UNC13A: variants seen among roughly 807,000 people sequenced by gnomAD.
The protein encoded by UNC13A is protein unc-13 homolog A.
UNC13A carries 61 observed loss-of-function variants against 219.7 expected under a neutral mutation model. The observed-to-expected ratio is 0.28, with a 90% CI of 0.23 to 0.34. The LOEUF is 0.34. UNC13A is among the 10% of genes least tolerant of loss of function. The probability of loss-of-function intolerance (pLI) is 1.00; values close to 1 mark genes in which losing one functional copy is unlikely to be tolerated. For synonymous variants in UNC13A, 920 were observed against 884.6 expected (o/e 1.04, Z -0.71); for missense variants, 1,476 against 2,270.3 (o/e 0.65, Z 7.11).
At chr19:17,616,489 G>T in intron 41 of UNC13A, 2 of 677,818 alleles carry the variant, frequency 3.0e-6, no homozygotes, top group South Asian at 1.5e-5. Flanking sequence ...GGGTGGAAGG[G>T]GGAGAGAGGT....
intron 1 of UNC13A, among the ~76,000 whole-genome samples, chr19:17,686,833 AG>A (rs1568279126): frequency 2.5e-5 from 3 of 119,938 alleles, no homozygotes; most frequent in African/African-American, 9.1e-5. Flanking sequence ...GAGGGGAGGG[AG>A]GAGGAGGGGC....
chr19:17,670,522 C>A (rs2079765566), intron 4 of UNC13A, among the ~76,000 whole-genome samples: 1 of 150,172 alleles, frequency 6.7e-6, no homozygotes, highest in African/African-American at 2.4e-5. Flanking sequence ...CAGGTGTGAG[C>A]CACCATGCCC....
intron 15 of UNC13A, 122 bp downstream of exon 15, chr19:17,648,790 C>T: frequency 2.7e-6 from 4 of 1,483,688 alleles, no homozygotes; most frequent in Non-Finnish European, 3.7e-6. Context: ...ACGCTGCCTT[C>T]TGCCAGTCTG....
At position 17,632,824 on chromosome 19, in the gene UNC13A, G is replaced by T; in HGVS notation, c.3386C>A (p.Thr1129Lys). 1 of 1,613,948 alleles carries T rather than the reference G, an allele frequency of 6.2e-7. No individual in the cohort carries two copies. The highest frequency in any genetic ancestry group is 8.5e-7 in the Non-Finnish European group (1 of 1,179,880). Reference protein sequence around the residue: ...KVKWLYNEYVTELPAFKDRVP... With the variant: ...KVKWLYNEYVKELPAFKDRVP... Reference sequence around the variant, plus strand: ...GCGGTCCTTGAAGGCGGGAAGTTCCGTCACATACTCATTGTAGAGCCATTT... The same window carrying T: ...GCGGTCCTTGAAGGCGGGAAGTTCCTTCACATACTCATTGTAGAGCCATTT... Residue 1129 changes from threonine (T) to lysine (K), a missense_variant, in exon 28 of 44, where the codon ACG becomes AAG. Physicochemically the swap from Thr to Lys is moderately conservative, Grantham distance 78 (BLOSUM62 -1). This residue lies in a region of UNC13A where 218 missense variants were observed against 409.4 expected (regional missense o/e 0.53). Coordinates refer to ENST00000519716, the MANE Select transcript of UNC13A (RefSeq NM_001080421.3).
intron 24 of UNC13A, 85 bp from the exon 25 acceptor site, chr19:17,639,302 G>A (rs2076942939): frequency 6.3e-7 from 1 of 1,592,428 alleles, no homozygotes; most frequent in Non-Finnish European, 8.6e-7. Context: ...TGGGTTTAAG[G>A]AAATGAAGTG....
chr19:17,645,201 G>A (rs1432208468), intron 19 of UNC13A, among the ~76,000 whole-genome samples: 2 of 151,332 alleles, frequency 1.3e-5, no homozygotes, highest in Non-Finnish European at 2.9e-5. Context: ...TGGAGACGGG[G>A]TTTCACCATG....
intron 39 of UNC13A, 77 bp downstream of exon 39, chr19:17,618,829 C>T (rs534418858): frequency 1.4e-6 from 2 of 1,470,678 alleles, no homozygotes; most frequent in African/African-American, 1.4e-5. Context: ...GACCCCTCCC[C>T]CAGGATGGTG....
intron 4 of UNC13A, among the ~76,000 whole-genome samples, chr19:17,671,113 C>G (rs919408355): frequency 2.0e-5 from 3 of 151,976 alleles, no homozygotes; most frequent in Non-Finnish European, 4.4e-5. Flanking sequence ...GACACAGGCA[C>G]CCCCAGCCCC....
intron 4 of UNC13A, among the ~76,000 whole-genome samples, chr19:17,670,277 A>G (rs1348946173): frequency 2.9e-5 from 4 of 137,412 alleles, no homozygotes; most frequent in African/African-American, 1.1e-4. Flanking sequence ...GAGTCTCTCT[A>G]TCACCCAGGC....
At chr19:17,658,372 G>T (rs902674572) in intron 8 of UNC13A, 103 bp from the exon 9 acceptor site, 23 of 1,130,848 alleles carry the variant, frequency 2.0e-5, no homozygotes, top group South Asian at 9.6e-5. Flanking sequence ...CCGAAGAAGA[G>T]AATTTTTTAC....
At chr19:17,628,660 C>T (rs1568510692) in intron 31 of UNC13A, among the ~76,000 whole-genome samples, 1 of 152,154 alleles carries the variant, frequency 6.6e-6, no homozygotes, top group Non-Finnish European at 1.5e-5. Flanking sequence ...CATACTCACA[C>T]ATACATACAC....
chr19:17,653,920 G>A (rs145743435), intron 11 of UNC13A, among the ~76,000 whole-genome samples: 2,361 of 149,320 alleles, frequency 0.016, 30 homozygotes, highest in Middle Eastern at 0.052. Flanking sequence ...TCCGCTTCCC[G>A]GGTTCACGCC....
At chr19:17,681,296 C>G (rs939295189) in intron 1 of UNC13A, among the ~76,000 whole-genome samples, 3 of 151,780 alleles carry the variant, frequency 2.0e-5, no homozygotes, top group African/African-American at 4.8e-5. Flanking sequence ...GAGATCCAGC[C>G]GTCTAGGGCT....
intron 1 of UNC13A, among the ~76,000 whole-genome samples, chr19:17,686,390 G>A (rs1053748917): frequency 2.0e-5 from 3 of 151,252 alleles, no homozygotes; most frequent in Non-Finnish European, 4.4e-5. Flanking sequence ...GATGCTGGGG[G>A]GAGAAGAGAG....
intron 11 of UNC13A, among the ~76,000 whole-genome samples, chr19:17,654,326 G>T (rs1223719290): frequency 6.6e-6 from 1 of 152,030 alleles, no homozygotes; most frequent in Non-Finnish European, 1.5e-5. Flanking sequence ...TCTTGACCTA[G>T]TGGAAGTTAT....
intron 27 of UNC13A, 79 bp downstream of exon 27, chr19:17,633,029 G>T: frequency 1.2e-6 from 2 of 1,605,720 alleles, no homozygotes; most frequent in Non-Finnish European, 1.7e-6. Flanking sequence ...ATTATAGGGT[G>T]CTCACAGCCT....
intron 39 of UNC13A, among the ~76,000 whole-genome samples, 196 bp from the exon 40 acceptor site, chr19:17,618,697 G>A (rs1599834357): frequency 1.3e-5 from 2 of 152,318 alleles, no homozygotes; most frequent in East Asian, 3.9e-4. Flanking sequence ...TTGCCCTCTT[G>A]ATCAAGCTGT....
In UNC13A at chr19:17,645,921, CCCCA is replaced by C. The variant is rs774307819; in HGVS notation, c.2186+45_2186+48del. ...TGTCCTTGGAGCCCTCTTTTGGCTG[CCCCA>C]GCAGGATGCCCCACATGGGGCCAGG... On this transcript the variant is annotated intron_variant, in intron 18 of 43. Coordinates refer to ENST00000519716, the MANE Select transcript of UNC13A (RefSeq NM_001080421.3). 3.1e-6 allele frequency: 5 copies of C among 1,601,852 alleles called. No homozygotes were observed. The East Asian group carries it at 6.8e-5, about 22-fold the overall frequency.
intron 1 of UNC13A, among the ~76,000 whole-genome samples, chr19:17,678,265 C>T (rs1416636695): frequency 6.6e-6 from 1 of 152,022 alleles, no homozygotes; most frequent in Non-Finnish European, 1.5e-5. Context: ...GATCACTTGA[C>T]GTCAGGAGTT....
Sources: allele counts gnomAD v4.1 joint callset (sites outside exome capture counted in the v4.1 genomes callset), GRCh38; gene constraint gnomAD v4.1.1; regional missense constraint gnomAD v4.1.1; transcripts MANE v1.5; gene names NCBI Gene and HGNC (gene_info 2026-07-23, HGNC 2026-07-21).